The following QKI variants were observed in gnomAD, a reference collection of about 807,000 sequenced individuals.
QKI encodes the protein QKI, KH domain containing RNA binding, also known as KH domain-containing RNA-binding protein QKI.
QKI carries 10 observed loss-of-function variants against 39.0 expected under a neutral mutation model. The ratio of observed to expected loss-of-function variants is 0.26; its 90% CI spans 0.16 to 0.43. The LOEUF is 0.43. Among genes scored for constraint, QKI ranks in the 20% least tolerant of loss-of-function variants. QKI has a pLI of 1.00. For synonymous variants in QKI, 204 were observed against 155.4 expected (o/e 1.31, Z -2.33); for missense variants, 218 against 428.0 (o/e 0.51, Z 4.33).
At chr6:163,537,773 T>C (rs1350400646) in intron 4 of QKI, among the ~76,000 whole-genome samples, 2 of 152,212 alleles carry the variant, frequency 1.3e-5, no homozygotes, top group Admixed American at 1.3e-4. Context: ...CCATTGCCTT[T>C]ACCTACTTCA....
In QKI at chr6:163,529,658, G is replaced by A. The variant is rs73784447; in HGVS notation, c.403-5324G>A. 6.0e-3 allele frequency among the ~76,000 whole-genome samples: 917 copies of A among 152,318 alleles called. 9 individuals are homozygous for A. The highest frequency in any genetic ancestry group is 0.021 in the African/African-American group (855 of 41,570). On this transcript the variant is annotated intron_variant, in intron 3 of 7. Coordinates refer to ENST00000361752, the MANE Select transcript of QKI (RefSeq NM_006775.3). ...TGGGGAATGGCCAGTAATACAGCAT[G>A]GAGTAAATCTGAGCCTATCGTGGGA...
chr6:163,560,631 C>A (rs151315504), intron 4 of QKI, among the ~76,000 whole-genome samples: 4 of 152,108 alleles, frequency 2.6e-5, no homozygotes, highest in Non-Finnish European at 4.4e-5. Context: ...TACTTACATA[C>A]GTGTGTAAAG....
At position 163,564,007 on chromosome 6, in the gene QKI, T is replaced by C. The variant is rs955023031; in HGVS notation, c.934+288T>C. The stretch of plus-strand genomic sequence containing the variant: ...TTTACATTTGACATTACTGAGGTCA[T>C]TCTGAGTTTTAGGTCCCACCCCATT... On this transcript the variant is annotated intron_variant, in intron 6 of 7. Coordinates refer to ENST00000361752, the MANE Select transcript of QKI (RefSeq NM_006775.3). 3 of 1,227,102 alleles carry C rather than the reference T, an allele frequency of 2.4e-6. No individual in the cohort carries two copies. The African/African-American group carries it at 4.6e-5, about 19-fold the overall frequency. The allele number at this position is 1,227,102 out of a possible 1,614,324, so 76.0% of individuals were successfully genotyped here.
intron 3 of QKI, among the ~76,000 whole-genome samples, chr6:163,516,639 A>G (rs770427949): frequency 1.2e-4 from 19 of 152,156 alleles, no homozygotes; most frequent in Non-Finnish European, 2.1e-4. Context: ...TGGTCTTTCA[A>G]TATACCTTTA....
At chr6:163,568,649 T>C in intron 7 of QKI, 2 of 976,230 alleles carry the variant, frequency 2.0e-6, no homozygotes, top group Non-Finnish European at 2.4e-6. Context: ...AAAAAAATAT[T>C]TTGAAGAGAA....
At chr6:163,492,698 C>T (rs1369720573) in intron 3 of QKI, among the ~76,000 whole-genome samples, 1 of 152,022 alleles carries the variant, frequency 6.6e-6, no homozygotes, top group Non-Finnish European at 1.5e-5. Context: ...GTAATTTTAT[C>T]TTTGTAACTA....
At chr6:163,567,834 ATTG>A (rs1433657188) in intron 7 of QKI, 1 of 984,804 alleles carries the variant, frequency 1.0e-6, no homozygotes, top group African/African-American at 1.7e-5. Flanking sequence ...TTGTACTTCA[ATTG>A]TACATCTTCT....
chr6:163,416,186 G>A (rs1421404799), intron 1 of QKI: 1 of 340,104 alleles, frequency 2.9e-6, no homozygotes, highest in Non-Finnish European at 5.8e-6. Flanking sequence ...GTTTCGAGAC[G>A]TTTGGAAAGG....
intron 3 of QKI, among the ~76,000 whole-genome samples, chr6:163,491,797 T>C (rs1317121319): frequency 6.6e-6 from 1 of 152,200 alleles, no homozygotes; most frequent in Non-Finnish European, 1.5e-5. Context: ...GGTAAAAAGA[T>C]GGACCCAATA....
At chr6:163,513,583 G>A (rs1779618092) in intron 3 of QKI, among the ~76,000 whole-genome samples, 1 of 152,118 alleles carries the variant, frequency 6.6e-6, no homozygotes, top group African/African-American at 2.4e-5. Context: ...TTCAGTATCA[G>A]TTTTTAGTCA....
At chr6:163,445,345 A>G (rs575534567) in intron 1 of QKI, among the ~76,000 whole-genome samples, 2 of 152,134 alleles carry the variant, frequency 1.3e-5, no homozygotes, top group South Asian at 4.1e-4. Context: ...TTTCTGGTCC[A>G]GGTTTTCCTA....
At chr6:163,534,909 G>C in intron 3 of QKI, 73 bp from the exon 4 acceptor site, 1 of 1,174,894 alleles carries the variant, frequency 8.5e-7, no homozygotes, top group Non-Finnish European at 1.2e-6. Flanking sequence ...ATTGACAACA[G>C]GTTAGTATTA....
intron 1 of QKI, among the ~76,000 whole-genome samples, chr6:163,427,527 T>C (rs7742678): frequency 0.013 from 1,931 of 152,214 alleles, 40 homozygotes; most frequent in African/African-American, 0.044. Flanking sequence ...TAATTTCTAC[T>C]GAATCTTGTT....
chr6:163,538,850 TGA>T (rs1236218236), intron 4 of QKI, among the ~76,000 whole-genome samples: 1 of 152,198 alleles, frequency 6.6e-6, no homozygotes, highest in Non-Finnish European at 1.5e-5. Flanking sequence ...ATATGATATG[TGA>T]TAACTTCAAG....
chr6:163,475,407 G>A (rs997770901), intron 2 of QKI, among the ~76,000 whole-genome samples: 1 of 152,080 alleles, frequency 6.6e-6, no homozygotes, highest in African/African-American at 2.4e-5. Flanking sequence ...CATTGTATTA[G>A]GTATTTTAAG....
Position 163,573,968 on chromosome 6 carries a change from C to T in QKI, c.*3258C>T, listed in dbSNP as rs1377144151. ...GTTTGTCAGCTGACAGTTTTGCACA[C>T]TACTGTTAAAATGGCTTTGGTTATT... On this transcript the variant is annotated 3_prime_UTR_variant, in exon 8 of 8. Transcript: ENST00000361752. 2 of 151,620 alleles carry T rather than the reference C, an allele frequency of 1.3e-5. No homozygotes were observed. Among genetic ancestry groups the T allele is most frequent in the Non-Finnish European group, 2.9e-5 (2 of 68,012 alleles). The allele number at this position is 151,620 out of a possible 1,614,324, so 9.4% of individuals were successfully genotyped here.
At chr6:163,499,069 A>T (rs1191506969) in intron 3 of QKI, among the ~76,000 whole-genome samples, 7 of 152,164 alleles carry the variant, frequency 4.6e-5, no homozygotes, top group Non-Finnish European at 1.5e-5. Context: ...AAGGGTGTCG[A>T]CACAGGTATG....
chr6:163,425,562 G>C (rs1457302809), intron 1 of QKI, among the ~76,000 whole-genome samples: 1 of 152,138 alleles, frequency 6.6e-6, no homozygotes, highest in Non-Finnish European at 1.5e-5. Flanking sequence ...TATATACGTG[G>C]CTAACCCTTT....
chr6:163,552,847 C>T (rs1021621353), intron 4 of QKI, among the ~76,000 whole-genome samples: 2 of 152,026 alleles, frequency 1.3e-5, no homozygotes, highest in Admixed American at 1.3e-4. Context: ...AGTGCTCATT[C>T]TGAATATGAA....
Sources: gnomAD v4.1 joint callset for allele counts (sites outside exome capture counted in the v4.1 genomes callset) on GRCh38, gnomAD v4.1.1 for gene constraint, MANE v1.5 for transcripts, NCBI Gene and HGNC (gene_info 2026-07-23, HGNC 2026-07-21) for gene names.